Variants in UBTD2 observed in about 807,000 individuals in gnomAD.
UBTD2 encodes ubiquitin domain containing 2.
In UBTD2, 9 loss-of-function variants were observed where a neutral mutation model predicts 19.8. The ratio of observed to expected loss-of-function variants is 0.46; its 90% CI spans 0.27 to 0.79. The LOEUF is 0.79. UBTD2 is among the 30% of genes least tolerant of loss of function. The pLI is 0.14. For synonymous variants in UBTD2, 98 were observed against 103.9 expected (o/e 0.94, Z 0.35); for missense variants, 250 against 300.4 (o/e 0.83, Z 1.24).
chr5:172,243,127 C>CTT lies in UBTD2; in HGVS notation c.71-8771_71-8770dup, dbSNP rs377346393. ...ACAGGTGTCAGCCACCATGACTGGC[C>CTT]TTTTTTTTTTTTTTTTTAATATTTG... On this transcript the variant is annotated intron_variant, in intron 1 of 2. Transcript: ENST00000393792. Among the ~76,000 whole-genome samples the CTT allele has an allele frequency of 2.0e-3, 261 of 132,656 alleles. 1 individual carries two copies. Among genetic ancestry groups the CTT allele is most frequent in the East Asian group, 0.013 (60 of 4,588 alleles). The allele number at this position is 132,656 out of a possible 152,430, so 87.0% of individuals were successfully genotyped here.
At chr5:172,231,839 T>C (rs1771907167) in intron 2 of UBTD2, among the ~76,000 whole-genome samples, 1 of 152,144 alleles carries the variant, frequency 6.6e-6, no homozygotes, top group Non-Finnish European at 1.5e-5. Context: ...CCCGTTATAT[T>C]ATATAAAGGT....
chr5:172,247,038 G>T (rs1470358617), intron 1 of UBTD2, among the ~76,000 whole-genome samples: 1 of 151,920 alleles, frequency 6.6e-6, no homozygotes, highest in Non-Finnish European at 1.5e-5. Context: ...ACAAGCATGA[G>T]CCACAGCATC....
upstream of UBTD2, chr5:172,283,790 G>A (rs1163323840): frequency 3.5e-6 from 2 of 573,530 alleles, no homozygotes; most frequent in Admixed American, 5.8e-5. The surrounding 1 kb of genome is among the most constrained non-coding windows in gnomAD (Gnocchi z 4.3). Context: ...CTCGCCCGCC[G>A]CGGCCCAGCC....
At chr5:172,250,378 T>C (rs1189685249) in intron 1 of UBTD2, among the ~76,000 whole-genome samples, 4 of 152,108 alleles carry the variant, frequency 2.6e-5, no homozygotes, top group African/African-American at 4.8e-5. Context: ...TCACCAATAA[T>C]GGGAAAACAG....
chr5:172,260,469 GAA>G (rs1422341508), intron 1 of UBTD2, among the ~76,000 whole-genome samples: 1 of 151,538 alleles, frequency 6.6e-6, no homozygotes, highest in African/African-American at 2.4e-5. Context: ...GCTTGTTATA[GAA>G]AAAAAGTTAT....
At chr5:172,265,437 C>A (rs967521133) in intron 1 of UBTD2, among the ~76,000 whole-genome samples, 1 of 152,164 alleles carries the variant, frequency 6.6e-6, no homozygotes, top group Admixed American at 6.5e-5. Flanking sequence ...TGGGTTCACG[C>A]CATTCTCCTG....
At chr5:172,234,790 C>T (rs1378175009) in intron 1 of UBTD2, among the ~76,000 whole-genome samples, 1 of 146,742 alleles carries the variant, frequency 6.8e-6, no homozygotes, top group Non-Finnish European at 1.5e-5. Context: ...TGCCTGTGGT[C>T]CCAGCTACTT....
intron 1 of UBTD2, among the ~76,000 whole-genome samples, chr5:172,259,154 T>G (rs1329277970): frequency 6.6e-6 from 1 of 152,086 alleles, no homozygotes; most frequent in African/African-American, 2.4e-5. Context: ...TTTGTTTTGT[T>G]TTTTTTGAGA....
chr5:172,282,824 T>G (rs1301663980), intron 1 of UBTD2, among the ~76,000 whole-genome samples: 2 of 152,204 alleles, frequency 1.3e-5, no homozygotes, highest in Non-Finnish European at 2.9e-5. Flanking sequence ...GTTCCCGTGT[T>G]AGAAAACTTT....
In UBTD2 at chr5:172,283,446, G is replaced by T; in HGVS notation, c.70+150C>A. 1.8e-6 allele frequency: 1 copy of T among 570,226 alleles called. No homozygotes were observed. The highest frequency in any genetic ancestry group is 2.5e-6 in the Non-Finnish European group (1 of 392,886). The allele number at this position is 570,226 out of a possible 1,614,324, so 35.3% of individuals were successfully genotyped here. The stretch of plus-strand genomic sequence containing the variant: ...AAGGGGCGACCCCCGCGGCTGGCAG[G>T]ACAGCCGGAAGCGGAGCGCGGGGAA... On this transcript the variant is annotated intron_variant, in intron 1 of 2. Transcript: ENST00000393792. The surrounding 1 kb of genome is among the most constrained non-coding windows in gnomAD (Gnocchi z 4.3).
chr5:172,218,720 G>A (rs1230738085), intron 2 of UBTD2, among the ~76,000 whole-genome samples: 1 of 149,090 alleles, frequency 6.7e-6, no homozygotes. Context: ...GGAGTTTGAG[G>A]CTGCAGTGAG....
At chr5:172,273,840 C>T (rs1755552012) in intron 1 of UBTD2, among the ~76,000 whole-genome samples, 1 of 152,088 alleles carries the variant, frequency 6.6e-6, no homozygotes, top group Non-Finnish European at 1.5e-5. Context: ...GGTTCTCATA[C>T]CTGCCAACCC....
upstream of UBTD2, chr5:172,284,093 G>C (rs1324762473): frequency 6.6e-6 from 1 of 150,560 alleles, no homozygotes; most frequent in Non-Finnish European, 1.5e-5. Context: ...CCACGGCCTG[G>C]GCTCGGCCCG....
At chr5:172,249,742 T>C (rs1019031587) in intron 1 of UBTD2, among the ~76,000 whole-genome samples, 3 of 152,148 alleles carry the variant, frequency 2.0e-5, no homozygotes, top group African/African-American at 7.2e-5. Flanking sequence ...TATATCACAA[T>C]TGAGATTTTT....
chr5:172,273,810 C>T (rs1167439874), intron 1 of UBTD2, among the ~76,000 whole-genome samples: 1 of 152,076 alleles, frequency 6.6e-6, no homozygotes, highest in Non-Finnish European at 1.5e-5. Flanking sequence ...CCGACTGTAG[C>T]TTCCTTGACC....
intron 1 of UBTD2, chr5:172,242,500 T>C (rs749206756): frequency 3.2e-4 from 276 of 872,946 alleles, no homozygotes; most frequent in Non-Finnish European, 3.8e-4. Context: ...GAAGACATTT[T>C]AACTTGTTCC....
intron 1 of UBTD2, among the ~76,000 whole-genome samples, chr5:172,275,885 C>T (rs6894486): frequency 0.33 from 50,657 of 152,076 alleles, 9,604 homozygotes; most frequent in African/African-American, 0.52. Context: ...CCTGGTCACT[C>T]GGGTTCATAA....
intron 1 of UBTD2, among the ~76,000 whole-genome samples, chr5:172,250,439 A>G (rs1754978994): frequency 3.3e-5 from 5 of 152,172 alleles, no homozygotes; most frequent in Admixed American, 2.6e-4. Flanking sequence ...TTACTTCTGT[A>G]ATATTCCTGT....
intron 1 of UBTD2, among the ~76,000 whole-genome samples, chr5:172,268,741 T>C (rs541257403): frequency 1.3e-5 from 2 of 152,148 alleles, no homozygotes; most frequent in Admixed American, 1.3e-4. Flanking sequence ...AAAGTGAGAC[T>C]CCATCTTAAA....
Sources: allele counts gnomAD v4.1 joint callset (sites outside exome capture counted in the v4.1 genomes callset), GRCh38; gene constraint gnomAD v4.1.1; non-coding constraint Gnocchi (gnomAD v3.1); transcripts MANE v1.5; gene names NCBI Gene and HGNC (gene_info 2026-07-23, HGNC 2026-07-21).